Variants in GLT8D2 observed in about 807,000 individuals in gnomAD.
GLT8D2 encodes the protein glycosyltransferase 8 domain containing 2.
In GLT8D2, 45 loss-of-function variants were observed where a neutral mutation model predicts 44.5. That is an observed-to-expected ratio of 1.01 (90% CI 0.80 to 1.30). GLT8D2 has a LOEUF of 1.30. GLT8D2 is among the 50% of genes most tolerant of loss of function. The probability of loss-of-function intolerance (pLI) is 0.00; values close to 1 mark genes in which losing one functional copy is unlikely to be tolerated. For missense variants in GLT8D2, 400 were observed against 430.4 expected, an observed-to-expected ratio of 0.93 and a Z score of 0.62; for synonymous variants, 156 against 157.2, an observed-to-expected ratio of 0.99 and a Z score of 0.06.
chr12:104,015,144 G>C, intron 3 of GLT8D2, 39 bp from the exon 4 acceptor site: 1 of 1,502,240 alleles, frequency 6.7e-7, no homozygotes, highest in Non-Finnish European at 9.2e-7. Context: ...TTGAACCTAT[G>C]AACCTGAAAT....
intron 1 of GLT8D2, among the ~76,000 whole-genome samples, chr12:104,042,635 G>A (rs1218855832): frequency 6.6e-6 from 1 of 152,164 alleles, no homozygotes; most frequent in Non-Finnish European, 1.5e-5. Context: ...GGAGAACCAA[G>A]GAAGTGATGC....
chr12:104,041,523 C>T (rs890297341), intron 1 of GLT8D2, among the ~76,000 whole-genome samples: 4 of 152,208 alleles, frequency 2.6e-5, no homozygotes, highest in African/African-American at 9.7e-5. Context: ...TTGCAGTAAA[C>T]ACAGATCGCA....
chr12:104,047,644 G>A (rs1365735931), intron 1 of GLT8D2, among the ~76,000 whole-genome samples: 2 of 152,152 alleles, frequency 1.3e-5, no homozygotes, highest in African/African-American at 4.8e-5. Flanking sequence ...TCCCATTGGT[G>A]ATGGTGCTGC....
chr12:104,054,830 A>G (rs539746715), upstream of GLT8D2, among the ~76,000 whole-genome samples: 32 of 152,152 alleles, frequency 2.1e-4, no homozygotes, highest in South Asian at 6.0e-3. Context: ...AGCCATGGGG[A>G]TAAGAGGCCT....
chr12:104,039,105 A>T (rs1354912296), intron 1 of GLT8D2, among the ~76,000 whole-genome samples: 1 of 152,184 alleles, frequency 6.6e-6, no homozygotes, highest in Non-Finnish European at 1.5e-5. Context: ...TAGAAAGCTG[A>T]AACTGGATCC....
At chr12:104,007,261 T>TCTCTCTCTCTCTCTCTCTCTCTCG in intron 4 of GLT8D2, among the ~76,000 whole-genome samples, 1 of 148,896 alleles carries the variant, frequency 6.7e-6, no homozygotes, top group South Asian at 2.2e-4. Context: ...TCTCTCTCTC[T>TCTCTCTCTCTCTCTCTCTCTCTCG]CTCTCCCCCC....
chr12:104,016,770 A>G (rs4964454), intron 3 of GLT8D2, among the ~76,000 whole-genome samples: 2,213 of 67,620 alleles, frequency 0.033, 84 homozygotes, highest in East Asian at 0.059. Flanking sequence ...AAAGAAAGAA[A>G]GAAAGAAGGA....
intron 4 of GLT8D2, among the ~76,000 whole-genome samples, chr12:104,012,190 ATAT>A (rs376492074): frequency 0.16 from 14,730 of 91,428 alleles, 1,068 homozygotes; most frequent in Non-Finnish European, 0.2. Flanking sequence ...AAAAAAAAAA[ATAT>A]ATATATATAT....
upstream of GLT8D2, among the ~76,000 whole-genome samples, chr12:104,053,637 C>A (rs992825716): frequency 8.5e-5 from 13 of 152,302 alleles, no homozygotes; most frequent in Admixed American, 4.6e-4. Context: ...GTAATCCCAG[C>A]ACTTTGGGAG....
chr12:104,062,090 T>G (rs1882702136), intron 1 of GLT8D2, among the ~76,000 whole-genome samples: 1 of 152,126 alleles, frequency 6.6e-6, no homozygotes, highest in Non-Finnish European at 1.5e-5. Context: ...TGTTTGTTTT[T>G]TAGACTGAGT....
At chr12:104,061,238 C>A (rs1442415801) in intron 1 of GLT8D2, among the ~76,000 whole-genome samples, 1 of 152,198 alleles carries the variant, frequency 6.6e-6, no homozygotes, top group African/African-American at 2.4e-5. Context: ...TCTAAGCCAC[C>A]AGTTATAGCT....
Position 104,005,066 on chromosome 12 carries a change from G to A in GLT8D2, c.113-1760C>T, listed in dbSNP as rs536703542. Among the ~76,000 whole-genome samples, 5 of 152,222 alleles carry A rather than the reference G, an allele frequency of 3.3e-5. No individual in the cohort carries two copies. The South Asian group carries it at 1.0e-3, about 32-fold the overall frequency. ...CCAATGGAACAGAACAGAGGCCCCA[G>A]AAATAACACCACACATCTACAACCA... On this transcript the variant is annotated intron_variant, in intron 4 of 10. Coordinates refer to ENST00000360814, the MANE Select transcript of GLT8D2 (RefSeq NM_001384711.1).
At chr12:104,059,296 C>T (rs1882430313) in intron 1 of GLT8D2, among the ~76,000 whole-genome samples, 2 of 152,112 alleles carry the variant, frequency 1.3e-5, no homozygotes, top group African/African-American at 4.8e-5. Context: ...GGACTTTGAT[C>T]CACCAAATCC....
chr12:104,063,692 C>T (rs988506221), intron 1 of GLT8D2, among the ~76,000 whole-genome samples: 4 of 151,928 alleles, frequency 2.6e-5, no homozygotes, highest in African/African-American at 9.7e-5. Flanking sequence ...GAATCCTGGC[C>T]CCAGTCTTTT....
chr12:104,041,960 C>T (rs575230285), intron 1 of GLT8D2, among the ~76,000 whole-genome samples: 5 of 152,308 alleles, frequency 3.3e-5, no homozygotes, highest in South Asian at 2.1e-4. Context: ...CTTACTAGAA[C>T]GCAAGCTCCA....
intron 1 of GLT8D2, among the ~76,000 whole-genome samples, chr12:104,022,243 G>A (rs1472432557): frequency 6.6e-6 from 1 of 152,064 alleles, no homozygotes; most frequent in African/African-American, 2.4e-5. Context: ...TCCCACAGTA[G>A]GATGTTTATC....
intron 1 of GLT8D2, among the ~76,000 whole-genome samples, chr12:104,060,759 GA>G (rs1882577271): frequency 6.6e-6 from 1 of 151,956 alleles, no homozygotes; most frequent in South Asian, 2.1e-4. Flanking sequence ...CTCATCTCTA[GA>G]AAAAATTTAA....
intron 1 of GLT8D2, among the ~76,000 whole-genome samples, chr12:104,022,596 G>A (rs1362096994): frequency 1.3e-5 from 2 of 152,012 alleles, no homozygotes; most frequent in African/African-American, 4.8e-5. Context: ...ATGGCCCTTG[G>A]CACTGATCAA....
chr12:104,034,880 C>A (rs1436547372), intron 1 of GLT8D2, among the ~76,000 whole-genome samples: 1 of 152,232 alleles, frequency 6.6e-6, no homozygotes, highest in Non-Finnish European at 1.5e-5. Context: ...CTGGGAGACA[C>A]CTCCCAGTAG....
Sources: allele counts gnomAD v4.1 joint callset (sites outside exome capture counted in the v4.1 genomes callset), GRCh38; gene constraint gnomAD v4.1.1; transcripts MANE v1.5; gene names NCBI Gene and HGNC (gene_info 2026-07-23, HGNC 2026-07-21).